The following ARL9 variants were observed in gnomAD, a reference collection of about 807,000 sequenced individuals.
The protein encoded by ARL9 is ARF like GTPase 9, also known as ADP-ribosylation factor-like protein 9.
Under a neutral mutation model 27.0 loss-of-function variants are expected in ARL9, and 14 were observed. The ratio of observed to expected loss-of-function variants is 0.52; its 90% CI spans 0.34 to 0.81. The LOEUF (loss-of-function observed/expected upper bound fraction) is 0.81. ARL9 is among the 30% of genes least tolerant of loss of function. The probability of loss-of-function intolerance (pLI) is 0.01; values close to 1 mark genes in which losing one functional copy is unlikely to be tolerated. For missense variants in ARL9, 294 were observed against 290.0 expected (o/e 1.01, Z -0.10); for synonymous variants, 106 against 108.7 (o/e 0.98, Z 0.15).
At chr4:56,520,251 C>T (rs1721881732) in intron 3 of ARL9, among the ~76,000 whole-genome samples, 1 of 152,166 alleles carries the variant, frequency 6.6e-6, no homozygotes, top group Admixed American at 6.5e-5. Context: ...GATCCACCCA[C>T]CTGGGCCTCC....
upstream of ARL9, chr4:56,505,691 G>A: frequency 1.8e-6 from 2 of 1,137,190 alleles, no homozygotes; most frequent in East Asian, 2.8e-5. Flanking sequence ...CTGCATCCGC[G>A]AGGTAAGCGG....
chr4:56,511,425 A>T, intron 2 of ARL9, 78 bp downstream of exon 2: 2 of 1,408,086 alleles, frequency 1.4e-6, no homozygotes, highest in South Asian at 1.5e-5. Flanking sequence ...AGCAACATTG[A>T]GTCCTTGTGA....
intron 3 of ARL9, among the ~76,000 whole-genome samples, chr4:56,521,010 G>A (rs1721901161): frequency 6.6e-6 from 1 of 152,046 alleles, no homozygotes; most frequent in African/African-American, 2.4e-5. Flanking sequence ...AGGAGTTCGA[G>A]ACCAGCCTGG....
intron 2 of ARL9, among the ~76,000 whole-genome samples, chr4:56,511,642 G>A (rs184604280): frequency 6.6e-6 from 1 of 152,296 alleles, no homozygotes; most frequent in East Asian, 1.9e-4. Flanking sequence ...CTGCAAATGA[G>A]CATGCAATCT....
Position 56,508,547 on chromosome 4 carries a change from C to T in ARL9, c.279+2406C>T, listed in dbSNP as rs541609409. ...GATTACTGGCATTCGCCACCACGCC[C>T]GGCTAATTTTGTATTTTTACTAGAG... On this transcript the variant is annotated intron_variant, in intron 1 of 3. Transcript: ENST00000640821. 4.1e-4 allele frequency among the ~76,000 whole-genome samples: 63 copies of T among 152,174 alleles called. No individual in the cohort carries two copies. In the South Asian group the frequency reaches 5.8e-3, roughly 14 times the overall value.
chr4:56,515,212 C>A (rs1330939382), intron 2 of ARL9, among the ~76,000 whole-genome samples: 4 of 151,182 alleles, frequency 2.6e-5, no homozygotes, highest in African/African-American at 9.7e-5. Context: ...TGAGATTGTG[C>A]CACTGCACTC....
At chr4:56,508,812 C>T (rs1721541194) in intron 1 of ARL9, among the ~76,000 whole-genome samples, 1 of 152,168 alleles carries the variant, frequency 6.6e-6, no homozygotes, top group South Asian at 2.1e-4. Context: ...GAAAGTGGGA[C>T]AGACATTCTA....
intron 1 of ARL9, among the ~76,000 whole-genome samples, chr4:56,510,757 T>C (rs1721614847): frequency 6.7e-6 from 1 of 149,474 alleles, no homozygotes. Flanking sequence ...GTATAAAATA[T>C]TCGTGAAGTT....
At chr4:56,523,026 T>C (rs1450062974) in intron 3 of ARL9, among the ~76,000 whole-genome samples, 1 of 152,232 alleles carries the variant, frequency 6.6e-6, no homozygotes, top group Non-Finnish European at 1.5e-5. Context: ...AAATTTCTGT[T>C]ATTAAATATA....
At chr4:56,518,990 C>T (rs549940233) in intron 3 of ARL9, 137 bp downstream of exon 3, 2 of 838,772 alleles carry the variant, frequency 2.4e-6, no homozygotes, top group African/African-American at 1.7e-5. Context: ...GGATTATAAA[C>T]ACCTTGAGGG....
intron 2 of ARL9, 100 bp from the exon 3 acceptor site, chr4:56,518,578 G>C (rs1387392397): frequency 2.0e-6 from 2 of 1,011,378 alleles, no homozygotes; most frequent in Admixed American, 4.3e-5. Context: ...CAAAACACCT[G>C]TCCTGTGTTC....
intron 3 of ARL9, among the ~76,000 whole-genome samples, chr4:56,522,847 C>T (rs961537738): frequency 2.6e-5 from 4 of 152,122 alleles, no homozygotes; most frequent in Admixed American, 6.6e-5. Flanking sequence ...TCCCACTGCA[C>T]GTTGTCTGAA....
intron 3 of ARL9, among the ~76,000 whole-genome samples, chr4:56,523,423 A>AT (rs1721984344): frequency 6.6e-6 from 1 of 152,160 alleles, no homozygotes. Context: ...TTAGAAACAG[A>AT]TTGACTGCAC....
chr4:56,523,822 C>T lies in ARL9; in HGVS notation c.744C>T (p.Ser248=), dbSNP rs1722001786. Residue 248 remains serine, a synonymous_variant, in exon 4 of 4, where the codon TCC becomes TCT. Transcript: ENST00000640821. ...YLTKNGSEIP[S]TMQDAKDLIA... The stretch of plus-strand genomic sequence containing the variant: ...CTAAGAATGGCTCAGAGATACCCTC[C>T]ACCATGCAAGATGCCAAAGACTTGA... 6.2e-7 allele frequency: 1 copy of T among 1,613,894 alleles called. No individual in the cohort carries two copies. The highest frequency in any genetic ancestry group is 1.3e-5 in the African/African-American group (1 of 74,932).
intron 2 of ARL9, among the ~76,000 whole-genome samples, chr4:56,511,869 C>G (rs1213700703): frequency 6.6e-6 from 1 of 152,192 alleles, no homozygotes; most frequent in Non-Finnish European, 1.5e-5. Context: ...CATCTATATG[C>G]TAATGGCTCC....
At chr4:56,509,378 T>C (rs546172167) in intron 1 of ARL9, among the ~76,000 whole-genome samples, 1 of 151,256 alleles carries the variant, frequency 6.6e-6, no homozygotes, top group South Asian at 2.1e-4. Context: ...TTTTATATTT[T>C]TGGTAGAGAC....
In ARL9 at chr4:56,505,885, A is replaced by C. The variant is rs867667355; in HGVS notation, c.23A>C (p.Lys8Thr). 5.5e-6 allele frequency: 7 copies of C among 1,261,592 alleles called. No individual in the cohort carries two copies. The highest frequency in any genetic ancestry group is 3.0e-4 in the Middle Eastern group (1 of 3,296). 78.1% of individuals were successfully genotyped at this position (1,261,592 alleles called of 1,614,324 possible). A position where few individuals can be genotyped will look rare whatever the true frequency, so the allele number is the denominator to read the frequency against. ...GGGATGGAGAGGGGGAAAGTGAAGAAGAAAGAGAAGGAAAAGGAGACGCAG... is the reference window on the plus strand; with the variant it reads ...GGGATGGAGAGGGGGAAAGTGAAGACGAAAGAGAAGGAAAAGGAGACGCAG... MERGKVK[K>T]KEKEKETQEE... The change falls in exon 1 of 4, where the codon AAG (lysine) becomes ACG (threonine). Residue 8 changes from lysine (K) to threonine (T), a missense_variant. Physicochemically the swap from Lys to Thr is moderately conservative, Grantham distance 78. Transcript: ENST00000640821.
At position 56,516,141 on chromosome 4, in the gene ARL9, T is replaced by TTCAATAAATGGTGCAGGGACCACA. The variant is rs1721760431; in HGVS notation, c.443-2535_443-2512dup. Among the ~76,000 whole-genome samples the TTCAATAAATGGTGCAGGGACCACA allele has an allele frequency of 3.9e-5, 6 of 152,264 alleles. No individual in the cohort carries two copies. In the South Asian group the frequency reaches 1.2e-3, roughly 32 times the overall value. On this transcript the variant is annotated intron_variant, in intron 2 of 3. Transcript: ENST00000640821. ...ACTAGAGAGTCCACTGGGGAAACTA[T>TTCAATAAATGGTGCAGGGACCACA]TCAATAAATGGTGCAGGGACCACAT... is the stretch of plus-strand genomic sequence containing the variant.
chr4:56,510,365 A>AG (rs1013990253), intron 1 of ARL9, among the ~76,000 whole-genome samples: 5 of 151,960 alleles, frequency 3.3e-5, no homozygotes, highest in African/African-American at 1.2e-4. Context: ...AAAAAAAAAA[A>AG]AAAAAAGTAT....
Sources: gnomAD v4.1 joint callset for allele counts (sites outside exome capture counted in the v4.1 genomes callset) on GRCh38, gnomAD v4.1.1 for gene constraint, MANE v1.5 for transcripts, NCBI Gene and HGNC (gene_info 2026-07-23, HGNC 2026-07-21) for gene names.